Variants in SEMA3A observed in about 807,000 individuals in gnomAD.
SEMA3A encodes semaphorin 3A.
A neutral mutation model predicts 97.9 loss-of-function variants in SEMA3A; 29 were observed. The observed-to-expected ratio is 0.30, with a 90% CI of 0.22 to 0.40. SEMA3A has a LOEUF of 0.40. Ranked by LOEUF, SEMA3A falls within the 10% of genes least tolerant of loss-of-function variation. SEMA3A has a pLI of 1.00. For missense variants in SEMA3A, 763 were observed against 951.3 expected, an observed-to-expected ratio of 0.80 and a Z score of 2.60; for synonymous variants, 321 against 323.7, an observed-to-expected ratio of 0.99 and a Z score of 0.09.
chr7:84,435,629 C>A (rs137989845), intron 1 of SEMA3A, among the ~76,000 whole-genome samples: 2 of 152,060 alleles, frequency 1.3e-5, no homozygotes, highest in African/African-American at 2.4e-5. Context: ...AACAAACAAA[C>A]CTCTACAAGG....
intron 4 of SEMA3A, among the ~76,000 whole-genome samples, chr7:84,101,965 T>G (rs575311632): frequency 6.6e-6 from 1 of 151,244 alleles, no homozygotes; most frequent in East Asian, 1.9e-4. Flanking sequence ...TTGGATATAT[T>G]TAGTTAAAAT....
At chr7:84,114,076 T>TA (rs1795352090) in intron 3 of SEMA3A, among the ~76,000 whole-genome samples, 1 of 152,142 alleles carries the variant, frequency 6.6e-6, no homozygotes, top group South Asian at 2.1e-4. Flanking sequence ...TAGACTGTGT[T>TA]ACGCAGACTT....
intron 2 of SEMA3A, among the ~76,000 whole-genome samples, chr7:84,335,110 T>C (rs1802005258): frequency 6.6e-6 from 1 of 152,300 alleles, no homozygotes; most frequent in Non-Finnish European, 1.5e-5. Context: ...TTTGAATCTA[T>C]TCTGTAAGAT....
intron 3 of SEMA3A, among the ~76,000 whole-genome samples, chr7:84,299,263 CATAT>C (rs1168730869): frequency 5.1e-5 from 7 of 136,204 alleles, no homozygotes; most frequent in Non-Finnish European, 9.4e-5. Flanking sequence ...TATATATCTC[CATAT>C]ATATATCTCC....
At chr7:84,150,925 C>T (rs949694107) in intron 1 of SEMA3A, among the ~76,000 whole-genome samples, 3 of 149,290 alleles carry the variant, frequency 2.0e-5, no homozygotes, top group African/African-American at 7.4e-5. Context: ...CAAGTGGGTC[C>T]CTGACCCCTG....
At chr7:84,426,186 T>C (rs1804821888) in intron 1 of SEMA3A, among the ~76,000 whole-genome samples, 1 of 151,832 alleles carries the variant, frequency 6.6e-6, no homozygotes, top group Admixed American at 6.6e-5. Context: ...ATACAATTCA[T>C]CCATGTAATC....
At chr7:84,412,626 T>A (rs1160841051) in intron 1 of SEMA3A, among the ~76,000 whole-genome samples, 3 of 152,154 alleles carry the variant, frequency 2.0e-5, no homozygotes, top group Non-Finnish European at 4.4e-5. Flanking sequence ...CCTTTATCCT[T>A]TCCTGATGAG....
At chr7:84,103,257 C>T (rs1443032265) in intron 4 of SEMA3A, among the ~76,000 whole-genome samples, 2 of 152,078 alleles carry the variant, frequency 1.3e-5, no homozygotes, top group Admixed American at 6.5e-5. Flanking sequence ...TCTGGCCTTA[C>T]TTTGGTCCTT....
intron 1 of SEMA3A, among the ~76,000 whole-genome samples, chr7:84,152,687 TATA>T (rs1282935791): frequency 6.6e-6 from 1 of 151,532 alleles, no homozygotes; most frequent in Admixed American, 6.6e-5. Context: ...AAACTTAAAG[TATA>T]ATAATAAAAA....
At chr7:84,006,325 C>T (rs1195593005) in intron 10 of SEMA3A, among the ~76,000 whole-genome samples, 1 of 151,902 alleles carries the variant, frequency 6.6e-6, no homozygotes, top group Non-Finnish European at 1.5e-5. Context: ...TGTTTTGTTT[C>T]TAACATAATG....
rs144771259 is a variant in SEMA3A at position 84,021,106 on chromosome 7, G to A, written c.668-6755C>T. Among the ~76,000 whole-genome samples, 414 of 152,216 alleles carry A rather than the reference G, an allele frequency of 2.7e-3. 2 individuals carry two copies. The highest frequency in any genetic ancestry group is 9.2e-3 in the African/African-American group (381 of 41,536). On this transcript the variant is annotated intron_variant, in intron 6 of 16. Coordinates refer to ENST00000265362, the MANE Select transcript of SEMA3A (RefSeq NM_006080.3). ...AGTTTTTTAGCACGATAGGGAAATG[G>A]GAAACCTTGTCAGTTACATTATTCA...
intron 12 of SEMA3A, among the ~76,000 whole-genome samples, chr7:83,999,379 A>AAAAC (rs1264299430): frequency 6.6e-6 from 1 of 152,024 alleles, no homozygotes; most frequent in Non-Finnish European, 1.5e-5. Context: ...AAAATTCACG[A>AAAAC]AAACACAATA....
intron 2 of SEMA3A, among the ~76,000 whole-genome samples, chr7:84,346,824 T>C (rs1802311275): frequency 6.6e-6 from 1 of 152,162 alleles, no homozygotes; most frequent in Non-Finnish European, 1.5e-5. Flanking sequence ...GGAAAAATGG[T>C]GCCAAACGTT....
upstream of SEMA3A, chr7:84,195,352 T>C (rs987404122): frequency 6.6e-6 from 1 of 152,156 alleles, no homozygotes. Flanking sequence ...AAATCTGAAT[T>C]CTGCTACCTA....
chr7:84,022,279 C>T (rs770723709), intron 6 of SEMA3A, among the ~76,000 whole-genome samples: 9 of 152,200 alleles, frequency 5.9e-5, no homozygotes, highest in East Asian at 1.9e-4. Context: ...TAATTCCCCT[C>T]GGTAACCTAA....
At chr7:84,038,918 G>A (rs1792036522) in intron 6 of SEMA3A, among the ~76,000 whole-genome samples, 1 of 151,888 alleles carries the variant, frequency 6.6e-6, no homozygotes, top group African/African-American at 2.4e-5. Flanking sequence ...TTTTAATACT[G>A]AAGCTAAAAC....
chr7:84,470,184 T>C (rs1056914652), intron 1 of SEMA3A, among the ~76,000 whole-genome samples: 1 of 152,032 alleles, frequency 6.6e-6, no homozygotes, highest in Non-Finnish European at 1.5e-5. Flanking sequence ...GGGATTCTAC[T>C]ATACTTATAA....
intron 2 of SEMA3A, among the ~76,000 whole-genome samples, chr7:84,340,996 G>A (rs1446763591): frequency 6.6e-6 from 1 of 152,076 alleles, no homozygotes; most frequent in East Asian, 1.9e-4. Flanking sequence ...TATTTGGTAT[G>A]TGAAAGGGAA....
At chr7:84,270,044 G>C (rs1800103722) in intron 3 of SEMA3A, among the ~76,000 whole-genome samples, 1 of 152,010 alleles carries the variant, frequency 6.6e-6, no homozygotes. Flanking sequence ...GTTTAAAGCA[G>C]GAATATTTAA....
Sources: allele counts gnomAD v4.1 joint callset (sites outside exome capture counted in the v4.1 genomes callset), GRCh38; gene constraint gnomAD v4.1.1; transcripts MANE v1.5; gene names NCBI Gene and HGNC (gene_info 2026-07-23, HGNC 2026-07-21).